SH3KBP1: variants seen among roughly 807,000 people sequenced by gnomAD.
SH3KBP1 encodes the protein SH3 domain-containing kinase-binding protein 1.
A neutral mutation model predicts 50.1 loss-of-function variants in SH3KBP1; 8 were observed. The observed-to-expected ratio is 0.16, with a 90% confidence interval of 0.09 to 0.29. SH3KBP1 has a LOEUF of 0.29. Ranked by LOEUF, SH3KBP1 falls within the 10% of genes least tolerant of loss-of-function variation. SH3KBP1 has a pLI of 1.00. For missense variants in SH3KBP1, 377 were observed against 535.2 expected (o/e 0.70, Z 2.92); for synonymous variants, 227 against 218.6 (o/e 1.04, Z -0.34).
chrX:19,846,843 G>C (rs2068379149), intron 1 of SH3KBP1, among the ~76,000 whole-genome samples: 1 of 111,879 alleles, frequency 8.9e-6, no homozygotes, highest in Admixed American at 9.6e-5. Flanking sequence ...AGCCTTTATG[G>C]TACAGGATAC....
At chrX:19,632,370 A>G (rs1236988430) in intron 7 of SH3KBP1, among the ~76,000 whole-genome samples, 1 of 112,752 alleles carries the variant, frequency 8.9e-6, no homozygotes, top group Non-Finnish European at 1.9e-5. Flanking sequence ...ACATTACTAA[A>G]TTAGAAACAA....
chrX:19,623,601 T>G (rs1055827960), intron 8 of SH3KBP1, among the ~76,000 whole-genome samples: 11 of 112,206 alleles, frequency 9.8e-5, no homozygotes, highest in African/African-American at 1.6e-4. Flanking sequence ...GGAGAATCAC[T>G]TGAACCCGGC....
chrX:19,688,671 C>A (rs753424899), intron 5 of SH3KBP1, among the ~76,000 whole-genome samples: 18 of 103,253 alleles, frequency 1.7e-4, no homozygotes, highest in African/African-American at 6.3e-4. Context: ...AAATGCCCTA[C>A]AGAGAGTACC....
intron 15 of SH3KBP1, among the ~76,000 whole-genome samples, chrX:19,543,457 G>C (rs1175529080): frequency 1.8e-5 from 2 of 111,813 alleles, no homozygotes; most frequent in Non-Finnish European, 3.8e-5. Context: ...GCATGCGTGG[G>C]TGAAGGGTGC....
At chrX:19,836,606 G>A (rs929136769) in intron 1 of SH3KBP1, among the ~76,000 whole-genome samples, 8 of 111,643 alleles carry the variant, frequency 7.2e-5, no homozygotes, top group Middle Eastern at 4.6e-3. Flanking sequence ...TTGTCTCCCC[G>A]AGCTCAGAGT....
intron 6 of SH3KBP1, among the ~76,000 whole-genome samples, chrX:19,663,015 G>C (rs191971741): frequency 9.0e-6 from 1 of 110,923 alleles, no homozygotes; most frequent in African/African-American, 3.3e-5. Context: ...AGTCTTGGGA[G>C]GAACAGGAGT....
rs2061969384 is a variant in SH3KBP1 at position 19,645,481 on chromosome X, G to A, written c.727-6C>T. ...GGTAACTTCTTCCCAATAGTCTGAGGGGAAAAACAGATGATTTTACTTATC... is the reference window on the plus strand; with the variant it reads ...GGTAACTTCTTCCCAATAGTCTGAGAGGAAAAACAGATGATTTTACTTATC... On this transcript the variant is annotated splice_region_variant and splice_polypyrimidine_tract_variant and intron_variant, in intron 6 of 17. Coordinates refer to ENST00000397821, the MANE Select transcript of SH3KBP1 (RefSeq NM_031892.3). 2.6e-6 allele frequency: 3 copies of A among 1,149,522 alleles called. No homozygotes were observed. Among genetic ancestry groups the A allele is most frequent in the South Asian group, 1.8e-5 (1 of 54,678 alleles). 94.7% of individuals were successfully genotyped at this position (1,149,522 alleles called of 1,213,427 possible).
intron 3 of SH3KBP1, among the ~76,000 whole-genome samples, chrX:19,738,658 T>G (rs1410511258): frequency 2.0e-5 from 2 of 101,469 alleles, no homozygotes; most frequent in African/African-American, 3.7e-5. Context: ...GGACTCTGAC[T>G]TTTACAAAGG....
chrX:19,871,698 C>T (rs1323804856), intron 1 of SH3KBP1, among the ~76,000 whole-genome samples: 2 of 111,867 alleles, frequency 1.8e-5, no homozygotes, highest in African/African-American at 6.5e-5. Context: ...TTCATCCAGC[C>T]TGGCTCCTGG....
chrX:19,645,430 A>G lies in SH3KBP1; in HGVS notation c.772T>C (p.Ser258Pro). The change falls in exon 7 of 18, where the codon TCA becomes CCA. Residue 258 changes from serine (S) to proline (P), a missense_variant. By Grantham distance (74) the Ser-to-Pro change is moderately conservative. This residue lies in a region of SH3KBP1 where 257 missense variants were observed against 374.2 expected (regional missense o/e 0.69). Coordinates refer to ENST00000397821, the MANE Select transcript of SH3KBP1 (RefSeq NM_031892.3). ...LPATTATPDS[S>P]KTEMDSRTKS... ...GTCCTGCTGTCCATTTCTGTTTTTG[A>G]TGAGTCTGGAGTTGCTGTAGTTGCA... is the stretch of plus-strand genomic sequence containing the variant. 1.7e-6 allele frequency: 2 copies of G among 1,206,392 alleles called. No homozygotes were observed. Among genetic ancestry groups the G allele is most frequent in the South Asian group, 3.5e-5 (2 of 56,697 alleles).
chrX:19,824,627 T>G (rs1427803155), intron 2 of SH3KBP1, among the ~76,000 whole-genome samples: 2 of 112,182 alleles, frequency 1.8e-5, no homozygotes, highest in African/African-American at 3.2e-5. Flanking sequence ...GATTTTGATC[T>G]GGTAGAAAGC....
intron 3 of SH3KBP1, among the ~76,000 whole-genome samples, chrX:19,714,574 C>T (rs780010766): frequency 5.7e-4 from 63 of 110,970 alleles, no homozygotes; most frequent in South Asian, 5.2e-3. Context: ...TAAAAAAGAA[C>T]GAGATCCTGT....
At chrX:19,650,865 C>T (rs2062106633) in intron 6 of SH3KBP1, among the ~76,000 whole-genome samples, 1 of 111,344 alleles carries the variant, frequency 9.0e-6, no homozygotes, top group Admixed American at 9.5e-5. Flanking sequence ...GGGTGCCCAA[C>T]CATTCCACAC....
chrX:19,813,554 C>T (rs896439693), intron 2 of SH3KBP1, among the ~76,000 whole-genome samples: 2 of 111,827 alleles, frequency 1.8e-5, no homozygotes, highest in African/African-American at 6.5e-5. Flanking sequence ...CTCTAGTTAC[C>T]GTGCTGCACA....
chrX:19,578,339 T>C (rs146561321), intron 12 of SH3KBP1, among the ~76,000 whole-genome samples: 1 of 111,720 alleles, frequency 9.0e-6, no homozygotes, highest in Admixed American at 9.5e-5. Flanking sequence ...TCTCATTGTT[T>C]ACCTCTGTGG....
chrX:19,668,957 TATATATATATATA>T (rs1218495914), intron 6 of SH3KBP1, among the ~76,000 whole-genome samples: 1,114 of 78,569 alleles, frequency 0.014, 29 homozygotes, highest in African/African-American at 0.04. Flanking sequence ...TATATATATA[TATATATATATATA>T]TATATTTTTT....
intron 13 of SH3KBP1, among the ~76,000 whole-genome samples, chrX:19,556,041 G>A (rs1391420851): frequency 8.9e-6 from 1 of 112,047 alleles, no homozygotes; most frequent in Non-Finnish European, 1.9e-5. Flanking sequence ...CTTGCAGCGA[G>A]TGTTCAAAAA....
intron 12 of SH3KBP1, among the ~76,000 whole-genome samples, chrX:19,571,788 A>G (rs954382263): frequency 1.1e-4 from 12 of 110,731 alleles, no homozygotes; most frequent in Non-Finnish European, 2.3e-4. Context: ...TGCCCAGGAG[A>G]AAGAGAGCAC....
chrX:19,812,993 A>T (rs1327178249), intron 2 of SH3KBP1, among the ~76,000 whole-genome samples: 1 of 109,530 alleles, frequency 9.1e-6, no homozygotes, highest in Non-Finnish European at 1.9e-5. Flanking sequence ...ACAACAAAAA[A>T]TTAGCTAGAT....
Sources: allele counts gnomAD v4.1 joint callset (sites outside exome capture counted in the v4.1 genomes callset), GRCh38; gene constraint gnomAD v4.1.1; regional missense constraint gnomAD v4.1.1; transcripts MANE v1.5; gene names NCBI Gene and HGNC (gene_info 2026-07-23, HGNC 2026-07-21).